RBM39: variants seen among roughly 807,000 people sequenced by gnomAD.
RBM39 encodes the protein RNA binding motif protein 39.
Under a neutral mutation model 79.6 loss-of-function variants are expected in RBM39, and 12 were observed. That is an observed-to-expected ratio of 0.15 (90% CI 0.10 to 0.24). RBM39 has a LOEUF of 0.24. Ranked by LOEUF, RBM39 falls within the 10% of genes least tolerant of loss-of-function variation. RBM39 has a pLI of 1.00. For missense variants in RBM39, 243 were observed against 653.4 expected (o/e 0.37, Z 6.85); for synonymous variants, 185 against 208.4 (o/e 0.89, Z 0.97).
intron 3 of RBM39, chr20:35,734,262 A>G (rs1422480221): frequency 7.7e-7 from 1 of 1,299,196 alleles, no homozygotes; most frequent in Non-Finnish European, 1.0e-6. Context: ...GTTTGTCTAA[A>G]ATTTCAAGAT....
At chr20:35,715,212 T>C (rs984890344) in intron 10 of RBM39, among the ~76,000 whole-genome samples, 2 of 152,206 alleles carry the variant, frequency 1.3e-5, no homozygotes, top group Non-Finnish European at 2.9e-5. Context: ...AGTTCCACCA[T>C]GGATGAGTTT....
intron 12 of RBM39, among the ~76,000 whole-genome samples, chr20:35,712,435 C>CAAAAAAA (rs765974114): frequency 3.0e-5 from 1 of 32,824 alleles, no homozygotes; most frequent in Non-Finnish European, 5.9e-5. Context: ...TACTGTTATC[C>CAAAAAAA]AAAAAAAAAA....
chr20:35,734,596 A>G (rs2039713839), intron 3 of RBM39: 1 of 271,602 alleles, frequency 3.7e-6, no homozygotes, highest in Admixed American at 4.9e-5. Flanking sequence ...TACCTCTCAT[A>G]GGACCCAAAA....
intron 8 of RBM39, among the ~76,000 whole-genome samples, chr20:35,723,600 A>G (rs554217117): frequency 1.9e-4 from 29 of 152,196 alleles, no homozygotes; most frequent in African/African-American, 7.0e-4. Flanking sequence ...CACCATGCCC[A>G]GCTAATTTTT....
rs183672138 is a variant in RBM39 at position 35,730,477 on chromosome 20, T to C, written c.297-950A>G. On this transcript the variant is annotated intron_variant, in intron 4 of 16. Transcript: ENST00000253363. The stretch of plus-strand genomic sequence containing the variant: ...AAACACTTTATATTAACTTGACCCT[T>C]TGCAATTCAGACTAATGCTGATGAC... Among the ~76,000 whole-genome samples, 411 of 152,310 alleles carry C rather than the reference T, an allele frequency of 2.7e-3. 1 individual carries two copies. Among genetic ancestry groups the C allele is most frequent in the Middle Eastern group, 0.017 (5 of 294 alleles).
chr20:35,716,804 A>G lies in RBM39; in HGVS notation c.827T>C (p.Ile276Thr). 1.3e-6 allele frequency: 2 copies of G among 1,596,458 alleles called. No individual in the cohort carries two copies. Among genetic ancestry groups the G allele is most frequent in the Non-Finnish European group, 1.7e-6 (2 of 1,167,680 alleles). The change falls in exon 10 of 17, where the codon ATT becomes ACT. Residue 276 changes from isoleucine to threonine, a missense_variant and splice_region_variant. By Grantham distance (89) the Ile-to-Thr change is moderately conservative. Around this residue, in one of 4 missense-constraint regions of RBM39, gnomAD observed 61 missense variants for 322.9 expected, o/e 0.19. Transcript: ENST00000253363. ...LRGIFEPFGR[I>T]ESIQLMMDSE... ...GTCCATCATCAGCTGGATACTTTCA[A>G]TCTATAATTGAAAAGCATAATTACT...
intron 14 of RBM39, 100 bp downstream of exon 14, chr20:35,707,020 T>TC (rs1337890234): frequency 8.0e-6 from 4 of 497,196 alleles, no homozygotes; most frequent in Non-Finnish European, 1.1e-5. Flanking sequence ...AGAGCGAAAC[T>TC]CCATCTTAAA....
intron 4 of RBM39, among the ~76,000 whole-genome samples, chr20:35,730,910 T>C (rs561975359): frequency 1.9e-3 from 296 of 152,240 alleles, no homozygotes; most frequent in Middle Eastern, 3.4e-3. Context: ...TAATTCTTTT[T>C]ATTTTAAAGA....
intron 9 of RBM39, chr20:35,720,028 T>C (rs59064961): frequency 0.16 from 39,437 of 246,720 alleles, 3,791 homozygotes; most frequent in African/African-American, 0.3. Flanking sequence ...AGCGATCCAC[T>C]TGCCTCGGCC....
At chr20:35,712,920 G>T in intron 12 of RBM39, 99 bp downstream of exon 12, 2 of 887,662 alleles carry the variant, frequency 2.3e-6, no homozygotes, top group Non-Finnish European at 1.7e-6. Flanking sequence ...AGTACTTGAT[G>T]AATTGAATTC....
rs781433363 is a variant in RBM39 at position 35,704,505 on chromosome 20, C to T, written c.1569G>A (p.Gln523=). 5 of 1,611,730 alleles carry T rather than the reference C, an allele frequency of 3.1e-6. No individual in the cohort carries two copies. Among genetic ancestry groups the T allele is most frequent in the Non-Finnish European group, 1.7e-6 (2 of 1,178,342 alleles). Residue 523 remains glutamine (Q), a synonymous_variant, in exon 17 of 17, where the codon CAG becomes CAA. Coordinates refer to ENST00000253363, the MANE Select transcript of RBM39 (RefSeq NM_184234.3). ...TTCATCGTCTACTTGGAACCAGTAG[C>T]TGTGTTGCTGTCATAGAATCAGGAA... The part of the protein sequence containing the change: ...NLFPDSMTAT[Q]LLVPSRR
chr20:35,714,866 T>C (rs925854822), intron 10 of RBM39, among the ~76,000 whole-genome samples: 3 of 152,148 alleles, frequency 2.0e-5, no homozygotes, highest in Non-Finnish European at 1.5e-5. Context: ...ATTACATATA[T>C]ATAAAATTTT....
intron 1 of RBM39, among the ~76,000 whole-genome samples, 164 bp from the exon 2 acceptor site, chr20:35,741,051 T>TTTTTTTTTTTTTTTTTTC (rs367902878): frequency 7.5e-6 from 1 of 133,680 alleles, no homozygotes; most frequent in African/African-American, 2.8e-5. Context: ...TTTTTTTTTT[T>TTTTTTTTTTTTTTTTTTC]GAGACGGAGT....
chr20:35,717,099 A>G, intron 9 of RBM39, among the ~76,000 whole-genome samples: 1 of 151,998 alleles, frequency 6.6e-6, no homozygotes, highest in Admixed American at 6.6e-5. Context: ...GGCCAACATG[A>G]CGAAATCAGG....
At position 35,725,140 on chromosome 20, in the gene RBM39, A is replaced by G; in HGVS notation, c.432T>C (p.Asn144=). The change falls in exon 7 of 17, where the codon AAT becomes AAC. Residue 144 remains asparagine (N), a synonymous_variant. Transcript: ENST00000253363. ...DKSPVREPID[N]LTPEERDART... The stretch of plus-strand genomic sequence containing the variant: ...TTGCATCTCTTTCCTCAGGAGTTAA[A>G]TTATCAATAGGTTCTCTAATAGGAG... 6.2e-7 allele frequency: 1 copy of G among 1,605,268 alleles called. No individual in the cohort carries two copies. The highest frequency in any genetic ancestry group is 1.1e-5 in the South Asian group (1 of 90,088).
rs57511202 is a variant in RBM39, at chr20:35,726,927, G to A, written c.417-1772C>T. Among the ~76,000 whole-genome samples, 966 of 152,182 alleles carry A rather than the reference G, an allele frequency of 6.3e-3. 8 individuals carry two copies. Among genetic ancestry groups the A allele is most frequent in the East Asian group, 0.041 (211 of 5,180 alleles). ...CACAACCTCCATCTCACGGGTTCAAGCAATTCTCCTGCCTCTCTTCCCGAG... is the reference window on the plus strand; with the variant it reads ...CACAACCTCCATCTCACGGGTTCAAACAATTCTCCTGCCTCTCTTCCCGAG... On this transcript the variant is annotated intron_variant, in intron 6 of 16. Coordinates refer to ENST00000253363, the MANE Select transcript of RBM39 (RefSeq NM_184234.3).
chr20:35,731,092 C>T (rs1250870875), intron 4 of RBM39, among the ~76,000 whole-genome samples: 2 of 152,152 alleles, frequency 1.3e-5, no homozygotes, highest in South Asian at 2.1e-4. Flanking sequence ...GATTAAGTAT[C>T]TTGCCCAAGT....
intron 6 of RBM39, 59 bp from the exon 7 acceptor site, chr20:35,725,214 CTTTT>C (rs1431703026): frequency 4.1e-6 from 5 of 1,216,522 alleles, no homozygotes; most frequent in Non-Finnish European, 5.8e-6. Flanking sequence ...TAATTTTTAT[CTTTT>C]TTATTTCTTC....
chr20:35,732,386 T>C lies in RBM39; in HGVS notation c.102-251A>G, dbSNP rs1343289582. 6 of 472,902 alleles carry C rather than the reference T, an allele frequency of 1.3e-5. No homozygotes were observed. In the South Asian group the frequency reaches 1.5e-4, roughly 12 times the overall value. 29.3% of individuals were successfully genotyped at this position (472,902 alleles called of 1,614,324 possible). On this transcript the variant is annotated intron_variant, in intron 3 of 16. Transcript: ENST00000253363. ...GTCTGGCCAATGTAGTGAAACCCCG[T>C]CCCTAATAAAAATACAAAAATTAGC... is the stretch of plus-strand genomic sequence containing the variant.
Sources: allele counts gnomAD v4.1 joint callset (sites outside exome capture counted in the v4.1 genomes callset), GRCh38; gene constraint gnomAD v4.1.1; regional missense constraint gnomAD v4.1.1; transcripts MANE v1.5; gene names NCBI Gene and HGNC (gene_info 2026-07-23, HGNC 2026-07-21).